The following USP6 variants were observed in gnomAD, a reference collection of about 807,000 sequenced individuals.
USP6 encodes the protein ubiquitin specific peptidase 6, also known as ubiquitin carboxyl-terminal hydrolase 6.
In USP6, 128 loss-of-function variants were observed where a neutral mutation model predicts 175.7. That is an observed-to-expected ratio of 0.73 (90% CI 0.63 to 0.84). USP6 has a LOEUF of 0.84. USP6 is among the 40% of genes least tolerant of loss of function. The pLI, the probability that USP6 is intolerant of heterozygous loss-of-function variation, is 0.00. For missense variants in USP6, 1,498 were observed against 1,760.3 expected (o/e 0.85, Z 2.67); for synonymous variants, 562 against 630.6 (o/e 0.89, Z 1.63).
In USP6 at chr17:5,132,222, C is replaced by T; in HGVS notation, c.156-174C>T. The T allele has an allele frequency of 6.4e-7, 1 of 1,570,670 alleles. No individual in the cohort carries two copies. On this transcript the variant is annotated intron_variant, in intron 11 of 37. Coordinates refer to ENST00000574788, the MANE Select transcript of USP6 (RefSeq NM_001304284.2). The surrounding 1 kb of genome is among the most constrained non-coding windows in gnomAD (Gnocchi z 4.7). ...CTCCTTCTTCTCCCAGGTCCTGCCC[C>T]TCCTGGGAGTCAGAGCCACAGGAAG...
In USP6 at chr17:5,139,390, C is replaced by T. The variant is rs759045717; in HGVS notation, c.1214C>T (p.Pro405Leu). The T allele has an allele frequency of 1.9e-5, 30 of 1,613,328 alleles. No individual in the cohort carries two copies. The highest frequency in any genetic ancestry group is 7.7e-5 in the South Asian group (7 of 91,056). ...CAGCGGCCCATTTGCTCAGCTTCCC[C>T]GCCATGGGCATCTCGTTTTTCCACG... is the stretch of plus-strand genomic sequence containing the variant. ...QFQRPICSAS[P>L]PWASRFSTPC... The change falls in exon 22 of 38, where the codon CCG (proline) becomes CTG (leucine). Residue 405 changes from proline to leucine, a missense_variant. This residue lies in a region of USP6 where 1,217 missense variants were observed against 1,500.8 expected (regional missense o/e 0.81). Coordinates refer to ENST00000574788, the MANE Select transcript of USP6 (RefSeq NM_001304284.2).
intron 30 of USP6, among the ~76,000 whole-genome samples, chr17:5,153,960 T>G (rs2073829350): frequency 6.6e-6 from 1 of 152,216 alleles, no homozygotes; most frequent in South Asian, 2.1e-4. Context: ...GGCCCTGGCT[T>G]GAAGTTTCTA....
chr17:5,122,047 A>G lies in USP6; in HGVS notation c.-1299+297A>G, dbSNP rs372785308. On this transcript the variant is annotated intron_variant, in intron 4 of 37. Transcript: ENST00000574788. ...ATTCACTCTGGCTGCAGAGGGAGAA[A>G]TGGATCAGAGGGGTCAGGGTGGGGC... Among the ~76,000 whole-genome samples, 29 of 147,392 alleles carry G rather than the reference A, an allele frequency of 2.0e-4. 1 individual carries two copies. Among genetic ancestry groups the G allele is most frequent in the African/African-American group, 7.0e-4 (28 of 40,092 alleles).
At chr17:5,159,196 G>C (rs1041193649) in intron 31 of USP6, among the ~76,000 whole-genome samples, 10 of 152,294 alleles carry the variant, frequency 6.6e-5, no homozygotes, top group African/African-American at 2.4e-4. Context: ...TTGGGTGAAA[G>C]AATCATTAGA....
Position 5,145,570 on chromosome 17 carries a change from G to A in USP6, c.2158G>A (p.Glu720Lys). Residue 720 changes from glutamate to lysine, a missense_variant, in exon 27 of 38, where the codon GAA becomes AAA. Coordinates refer to ENST00000574788, the MANE Select transcript of USP6 (RefSeq NM_001304284.2). The part of the protein sequence containing the change: ...PLPMDSYMDL[E>K]ITVIKLDGTT... ...ACCAATGGACAGTTACATGGACTTAGAAATAACAGGTAGGTCACAAAGTTC... is the reference window on the plus strand; with the variant it reads ...ACCAATGGACAGTTACATGGACTTAAAAATAACAGGTAGGTCACAAAGTTC... The A allele has an allele frequency of 2.5e-6, 4 of 1,587,978 alleles. No homozygotes were observed. The highest frequency in any genetic ancestry group is 2.6e-6 in the Non-Finnish European group (3 of 1,168,856).
chr17:5,155,348 G>A (rs1347613181), intron 30 of USP6, 74 bp from the exon 31 acceptor site: 1 of 1,521,612 alleles, frequency 6.6e-7, no homozygotes, highest in African/African-American at 1.4e-5. Flanking sequence ...CCTATCATTG[G>A]CAGAGTTAGA....
intron 26 of USP6, 84 bp from the exon 27 acceptor site, chr17:5,145,321 A>T: frequency 7.0e-7 from 1 of 1,430,692 alleles, no homozygotes; most frequent in Non-Finnish European, 9.3e-7. Flanking sequence ...TAAATCCAAT[A>T]TATTTAACCA....
At chr17:5,128,488 C>T (rs1462526602) in intron 7 of USP6, 3 of 152,274 alleles carry the variant, frequency 2.0e-5, no homozygotes, top group Non-Finnish European at 2.9e-5. Context: ...CCAGGACCAC[C>T]CTGGGCGGGG....
Position 5,130,381 on chromosome 17 carries a change from A to G in USP6, c.14A>G (p.Glu5Gly). 2 of 1,614,142 alleles carry G rather than the reference A, an allele frequency of 1.2e-6. No individual in the cohort carries two copies. The highest frequency in any genetic ancestry group is 1.3e-5 in the African/African-American group (1 of 75,048). The change falls in exon 10 of 38, where the codon GAG becomes GGG. Residue 5 changes from glutamate (E) to glycine (G), a missense_variant. This residue lies in a region of USP6 where 281 missense variants were observed against 259.6 expected (regional missense o/e 1.08). Transcript: ENST00000574788. ...TTGTCTCACAGGATGGACATGGTAG[A>G]GAATGCAGATAGTTTGCAGGCACAG... MDMV[E>G]NADSLQAQER...
At chr17:5,168,498 C>T (rs922439832) in intron 34 of USP6, among the ~76,000 whole-genome samples, 1 of 152,254 alleles carries the variant, frequency 6.6e-6, no homozygotes, top group African/African-American at 2.4e-5. Flanking sequence ...AGAAGAGCAA[C>T]TGAGCCCGGG....
intron 2 of USP6, among the ~76,000 whole-genome samples, chr17:5,119,020 C>A (rs1292110411): frequency 6.6e-6 from 1 of 152,142 alleles, no homozygotes; most frequent in Admixed American, 6.6e-5. Flanking sequence ...TCAGGCTTTT[C>A]GGCTCAAAGA....
In USP6 at chr17:5,141,454, G is replaced by T; in HGVS notation, c.1528G>T (p.Glu510Ter). The change falls in exon 23 of 38, where the codon GAG (glutamate) becomes TAG (stop). Residue 510 changes from glutamate (E) to a stop codon, truncating the protein, a stop_gained. Transcript: ENST00000574788. LOFTEE classifies it high-confidence loss of function. ...VHNKDMSWPE[E>*]MSFTANSSKI... ...CAACAAAGATATGAGTTGGCCTGAG[G>T]AGATGTCTTTTACAGCAAATAGTAG... The T allele has an allele frequency of 6.2e-7, 1 of 1,609,620 alleles. No homozygotes were observed. Among genetic ancestry groups the T allele is most frequent in the Non-Finnish European group, 8.5e-7 (1 of 1,178,354 alleles).
chr17:5,157,425 T>C (rs1024847824), intron 31 of USP6, among the ~76,000 whole-genome samples: 7 of 152,216 alleles, frequency 4.6e-5, no homozygotes, highest in African/African-American at 4.8e-5. Context: ...GTATTTAAGA[T>C]TTAAATAAAT....
intron 30 of USP6, 55 bp downstream of exon 30, chr17:5,148,822 T>C (rs2073683969): frequency 5.0e-6 from 8 of 1,590,672 alleles, no homozygotes; most frequent in African/African-American, 1.3e-5. Flanking sequence ...ATTTGTGAAA[T>C]AGCCATTTTC....
rs375668239 is a variant in USP6 at position 5,167,966 on chromosome 17, G to A, written c.3071G>A (p.Arg1024Gln). 4.2e-4 allele frequency: 683 copies of A among 1,611,912 alleles called. 12 individuals are homozygous for A. The East Asian group carries it at 9.4e-3, about 22-fold the overall frequency. Residue 1024 changes from arginine to glutamine, a missense_variant, in exon 34 of 38, where the codon CGG (arginine) becomes CAG (glutamine). Physicochemically the swap from Arg to Gln is conservative, Grantham distance 43. Coordinates refer to ENST00000574788, the MANE Select transcript of USP6 (RefSeq NM_001304284.2). ...VDKHESVEQS[R>Q]RAQAEPINLD... ...AAGCATGAGAGTGTGGAGCAGAGTC[G>A]GCGAGCGCAAGCCGAGCCCATCAAC...
chr17:5,171,739 T>C, intron 37 of USP6, 60 bp downstream of exon 37: 1 of 1,540,590 alleles, frequency 6.5e-7, no homozygotes. Flanking sequence ...GGAACATTTG[T>C]TGAAATAATG....
In USP6 at chr17:5,135,928, G is replaced by A. The variant is rs1231449094; in HGVS notation, c.664G>A (p.Gly222Arg). 10 of 1,598,160 alleles carry A rather than the reference G, an allele frequency of 6.3e-6. No homozygotes were observed. The highest frequency in any genetic ancestry group is 4.0e-5 in the African/African-American group (3 of 74,988). ...GGCCAGTGAGAGGCACTCCCTGCCAGGTAGGTGAACAGCTGCCCGTGGGGC... is the reference window on the plus strand; with the variant it reads ...GGCCAGTGAGAGGCACTCCCTGCCAAGTAGGTGAACAGCTGCCCGTGGGGC... Reference protein sequence around the residue: ...LLASERHSLPGFHSPNGGTVQ... With the variant: ...LLASERHSLPRFHSPNGGTVQ... Residue 222 changes from glycine to arginine, a missense_variant and splice_region_variant, in exon 17 of 38, where the codon GGA becomes AGA. Coordinates refer to ENST00000574788, the MANE Select transcript of USP6 (RefSeq NM_001304284.2).
At chr17:5,169,863 G>T (rs1277960509) in intron 35 of USP6, among the ~76,000 whole-genome samples, 1 of 152,214 alleles carries the variant, frequency 6.6e-6, no homozygotes, top group African/African-American at 2.4e-5. Flanking sequence ...TGACAGTGAA[G>T]TCTGTGCTAA....
intron 35 of USP6, among the ~76,000 whole-genome samples, chr17:5,169,794 T>C (rs922101328): frequency 6.6e-6 from 1 of 152,026 alleles, no homozygotes; most frequent in Non-Finnish European, 1.5e-5. Flanking sequence ...TCACTTTTTT[T>C]CTCTCACAGA....
Sources: allele counts gnomAD v4.1 joint callset (sites outside exome capture counted in the v4.1 genomes callset), GRCh38; gene constraint gnomAD v4.1.1; regional missense constraint gnomAD v4.1.1; non-coding constraint Gnocchi (gnomAD v3.1); transcripts MANE v1.5; gene names NCBI Gene and HGNC (gene_info 2026-07-23, HGNC 2026-07-21).